Variants in CRISPLD2 observed in about 807,000 individuals in gnomAD.
CRISPLD2 encodes cysteine rich secretory protein LCCL domain containing 2.
CRISPLD2 carries 47 observed loss-of-function variants against 71.1 expected under a neutral mutation model. The ratio of observed to expected loss-of-function variants is 0.66; its 90% CI spans 0.52 to 0.84. The LOEUF is 0.84. CRISPLD2 is among the 40% of genes least tolerant of loss of function. CRISPLD2 has a pLI of 0.00. For synonymous variants in CRISPLD2, 317 were observed against 250.1 expected, an observed-to-expected ratio of 1.27 and a Z score of -2.52; for missense variants, 830 against 651.1, an observed-to-expected ratio of 1.27 and a Z score of -2.99.
rs192776823 is a variant in CRISPLD2, at chr16:84,885,210, C to T, written c.1306-4020C>T. ...GAACGTATCCAAGCACCAAGGCTTC[C>T]GCCTGCCGGAAAGAACAATGAGCTT... On this transcript the variant is annotated intron_variant, in intron 13 of 14. Coordinates refer to ENST00000262424, the MANE Select transcript of CRISPLD2 (RefSeq NM_031476.4). Among the ~76,000 whole-genome samples the T allele has an allele frequency of 4.6e-3, 696 of 152,314 alleles. 5 individuals carry two copies. Among genetic ancestry groups the T allele is most frequent in the African/African-American group, 0.016 (653 of 41,564 alleles).
intron 13 of CRISPLD2, among the ~76,000 whole-genome samples, chr16:84,885,738 C>T (rs1013015038): frequency 2.6e-5 from 4 of 151,818 alleles, no homozygotes; most frequent in African/African-American, 9.7e-5. Context: ...TGTGTTTTGG[C>T]TCCACTTTTC....
At position 84,849,396 on chromosome 16, in the gene CRISPLD2, C is replaced by T. The variant is rs531695495; in HGVS notation, c.371C>T (p.Pro124Leu). The T allele has an allele frequency of 3.1e-6, 5 of 1,613,510 alleles. No individual in the cohort carries two copies. Among genetic ancestry groups the T allele is most frequent in the Middle Eastern group, 1.7e-4 (1 of 5,992 alleles). ...LGAHWGRYRSPGFHVQSWYDE... is the reference protein window; with the variant it reads ...LGAHWGRYRSLGFHVQSWYDE... ...TTTCTGCCCTGCAGGTATCGCTCTC[C>T]GGGGTTCCATGTGCAGTCCTGGTAT... Residue 124 changes from proline to leucine, a missense_variant, in exon 4 of 15, where the codon CCG becomes CTG. Coordinates refer to ENST00000262424, the MANE Select transcript of CRISPLD2 (RefSeq NM_031476.4).
intron 5 of CRISPLD2, among the ~76,000 whole-genome samples, chr16:84,852,299 G>A (rs1005033506): frequency 5.9e-5 from 9 of 152,142 alleles, no homozygotes; most frequent in African/African-American, 2.2e-4. Flanking sequence ...CTCTACCCGT[G>A]TAACTACCAT....
intron 6 of CRISPLD2, among the ~76,000 whole-genome samples, chr16:84,864,672 G>T (rs1416900997): frequency 6.6e-6 from 1 of 152,206 alleles, no homozygotes; most frequent in Non-Finnish European, 1.5e-5. Context: ...GATTCTCTGG[G>T]GGTTTTGGTA....
chr16:84,821,163 T>G (rs1344713612), intron 1 of CRISPLD2, among the ~76,000 whole-genome samples: 1 of 152,140 alleles, frequency 6.6e-6, no homozygotes, highest in Non-Finnish European at 1.5e-5. Flanking sequence ...CCTGGTAGAA[T>G]GGGGTGAGCC....
chr16:84,904,455 G>C (rs2071783321), intron 14 of CRISPLD2, among the ~76,000 whole-genome samples: 1 of 152,056 alleles, frequency 6.6e-6, no homozygotes, highest in South Asian at 2.1e-4. Flanking sequence ...GTGGTGGTGT[G>C]CACCTGTAAT....
rs112945003 is a variant in CRISPLD2 at position 84,846,425 on chromosome 16, G to C, written c.359+521G>C. ...GTGCCACCACGCCTGGCTAATTTTT[G>C]TATTTTTTGGTAGAGACAGGGTTTC... On this transcript the variant is annotated intron_variant, in intron 3 of 14. Coordinates refer to ENST00000262424, the MANE Select transcript of CRISPLD2 (RefSeq NM_031476.4). Among the ~76,000 whole-genome samples the C allele has an allele frequency of 7.3e-3, 1,114 of 152,148 alleles. 13 individuals carry two copies. The highest frequency in any genetic ancestry group is 0.026 in the African/African-American group (1,063 of 41,510).
At chr16:84,821,962 C>T (rs567252942) in intron 1 of CRISPLD2, among the ~76,000 whole-genome samples, 10 of 152,358 alleles carry the variant, frequency 6.6e-5, no homozygotes, top group South Asian at 2.1e-4. Flanking sequence ...GTAGAGCTGC[C>T]GTCCAGGCTG....
chr16:84,851,093 A>G (rs910001184), intron 5 of CRISPLD2, among the ~76,000 whole-genome samples: 2 of 152,226 alleles, frequency 1.3e-5, no homozygotes, highest in African/African-American at 2.4e-5. Flanking sequence ...TCTGGGACCA[A>G]CTGAACAAAG....
rs1477143154 is a variant in CRISPLD2, at chr16:84,866,853, G to C, written c.710-44G>C. ...TTTTTCCCCAAAGTGCGTTTTTGTT[G>C]AATCCCAGTGTGTTATTTTTTTTCC... is the stretch of plus-strand genomic sequence containing the variant. On this transcript the variant is annotated intron_variant, in intron 6 of 14. Transcript: ENST00000262424. The C allele has an allele frequency of 3.2e-6, 5 of 1,573,838 alleles. No individual in the cohort carries two copies. The African/African-American group carries it at 4.1e-5, about 13-fold the overall frequency.
At chr16:84,882,492 C>T (rs540301364) in intron 13 of CRISPLD2, among the ~76,000 whole-genome samples, 1 of 152,024 alleles carries the variant, frequency 6.6e-6, no homozygotes, top group African/African-American at 2.4e-5. Context: ...CTCACTGCAA[C>T]CTCCCAGGTT....
At chr16:84,885,452 C>T (rs1025981884) in intron 13 of CRISPLD2, among the ~76,000 whole-genome samples, 1 of 152,172 alleles carries the variant, frequency 6.6e-6, no homozygotes, top group Non-Finnish European at 1.5e-5. Flanking sequence ...ACAGGGAGGC[C>T]GGCCATCCCC....
intron 6 of CRISPLD2, among the ~76,000 whole-genome samples, chr16:84,859,149 C>A (rs150311335): frequency 6.6e-6 from 1 of 152,180 alleles, no homozygotes; most frequent in Non-Finnish European, 1.5e-5. Context: ...AATAGCCCTC[C>A]CTTACCTGTC....
intron 7 of CRISPLD2, 27 bp downstream of exon 7, chr16:84,867,067 C>T (rs1338912807): frequency 1.9e-6 from 3 of 1,604,976 alleles, no homozygotes; most frequent in Admixed American, 1.7e-5. Context: ...CTCCGCCCCT[C>T]CTGCCCTCCC....
intron 5 of CRISPLD2, among the ~76,000 whole-genome samples, chr16:84,852,273 G>C (rs1917110193): frequency 6.6e-6 from 1 of 152,234 alleles, no homozygotes; most frequent in Non-Finnish European, 1.5e-5. Context: ...CATAATGAAA[G>C]TCCACGGCAA....
chr16:84,834,625 G>C (rs1055343999), intron 1 of CRISPLD2, among the ~76,000 whole-genome samples: 3 of 152,226 alleles, frequency 2.0e-5, no homozygotes, highest in Admixed American at 1.3e-4. Flanking sequence ...CCAGCCATGT[G>C]TTATCTGATG....
intron 13 of CRISPLD2, among the ~76,000 whole-genome samples, chr16:84,885,216 C>T (rs987777787): frequency 6.6e-6 from 1 of 152,164 alleles, no homozygotes; most frequent in Non-Finnish European, 1.5e-5. Flanking sequence ...CTTCCGCCTG[C>T]CGGAAAGAAC....
At chr16:84,896,296 A>C (rs1207678635) in intron 14 of CRISPLD2, among the ~76,000 whole-genome samples, 1 of 151,812 alleles carries the variant, frequency 6.6e-6, no homozygotes, top group Non-Finnish European at 1.5e-5. Context: ...TGATCCGCCC[A>C]CCTCAGCCTC....
intron 5 of CRISPLD2, among the ~76,000 whole-genome samples, chr16:84,851,694 A>G (rs548845020): frequency 9.5e-4 from 144 of 152,356 alleles, no homozygotes; most frequent in Non-Finnish European, 1.9e-3. Flanking sequence ...GCACCATGCA[A>G]GAGCAGCAGA....
Sources: gnomAD v4.1 joint callset for allele counts (sites outside exome capture counted in the v4.1 genomes callset) on GRCh38, gnomAD v4.1.1 for gene constraint, MANE v1.5 for transcripts, NCBI Gene and HGNC (gene_info 2026-07-23, HGNC 2026-07-21) for gene names.